The following DGKI variants were observed in gnomAD, a reference collection of about 807,000 sequenced individuals.
DGKI encodes DAG kinase iota.
DGKI carries 55 observed loss-of-function variants against 147.5 expected under a neutral mutation model. The observed-to-expected ratio is 0.37, with a 90% CI of 0.30 to 0.47. The LOEUF (loss-of-function observed/expected upper bound fraction) is 0.47, where lower values mean the gene tolerates loss of function less well. Ranked by LOEUF, DGKI falls within the 20% of genes least tolerant of loss-of-function variation. The probability of loss-of-function intolerance (pLI) is 1.00; values close to 1 mark genes in which losing one functional copy is unlikely to be tolerated. For missense variants in DGKI, 1,007 were observed against 1,323.8 expected (o/e 0.76, Z 3.71); for synonymous variants, 469 against 477.1 (o/e 0.98, Z 0.22).
At chr7:137,771,840 A>G (rs933252933) in intron 1 of DGKI, 14 of 152,170 alleles carry the variant, frequency 9.2e-5, no homozygotes, top group African/African-American at 3.4e-4. Context: ...TTTGTCTCCA[A>G]CTCGAACTGG....
intron 1 of DGKI, among the ~76,000 whole-genome samples, chr7:137,810,246 T>C (rs982123646): frequency 6.6e-6 from 1 of 152,216 alleles, no homozygotes; most frequent in Non-Finnish European, 1.5e-5. Flanking sequence ...ATAATGCTAA[T>C]GCTAATTGTT....
intron 12 of DGKI, among the ~76,000 whole-genome samples, chr7:137,596,873 A>G (rs548442651): frequency 6.6e-6 from 1 of 152,362 alleles, no homozygotes; most frequent in Non-Finnish European, 1.5e-5. Context: ...AGAATAAAAC[A>G]TTCTAATTAG....
chr7:137,512,086 T>C (rs1425089159), intron 21 of DGKI, among the ~76,000 whole-genome samples: 1 of 152,198 alleles, frequency 6.6e-6, no homozygotes, highest in Non-Finnish European at 1.5e-5. Context: ...AGTCTCACAG[T>C]CTGTTTCCCC....
chr7:137,531,393 T>A (rs1211256943), intron 20 of DGKI, among the ~76,000 whole-genome samples: 2 of 152,206 alleles, frequency 1.3e-5, no homozygotes, highest in Non-Finnish European at 2.9e-5. Flanking sequence ...TAACATGAGT[T>A]ACTTTTAATA....
At chr7:137,414,909 C>G (rs968650541) in intron 28 of DGKI, among the ~76,000 whole-genome samples, 21 of 152,160 alleles carry the variant, frequency 1.4e-4, no homozygotes, top group African/African-American at 4.8e-4. Flanking sequence ...CTGCTCACCT[C>G]TCGGTAGTTA....
At chr7:137,803,114 G>A (rs535496360) in intron 1 of DGKI, among the ~76,000 whole-genome samples, 16 of 152,296 alleles carry the variant, frequency 1.1e-4, no homozygotes, top group African/African-American at 3.6e-4. Flanking sequence ...AATGCATCCT[G>A]GAGAAGCAAG....
intron 20 of DGKI, among the ~76,000 whole-genome samples, chr7:137,532,980 T>A (rs1348893438): frequency 6.6e-6 from 1 of 152,150 alleles, no homozygotes; most frequent in Non-Finnish European, 1.5e-5. Context: ...GAAAAAGAGT[T>A]CCCTAGAATA....
At chr7:137,770,211 C>T (rs1332852309) in intron 1 of DGKI, among the ~76,000 whole-genome samples, 1 of 151,962 alleles carries the variant, frequency 6.6e-6, no homozygotes, top group Non-Finnish European at 1.5e-5. Context: ...CAAACTAACA[C>T]AGGAACAGAA....
intron 28 of DGKI, among the ~76,000 whole-genome samples, chr7:137,425,661 G>C (rs1478672666): frequency 6.6e-6 from 1 of 152,126 alleles, no homozygotes; most frequent in African/African-American, 2.4e-5. Context: ...AAAAAATTTA[G>C]AAGAATGTAT....
At chr7:137,401,896 A>T (rs1156507353) in intron 30 of DGKI, among the ~76,000 whole-genome samples, 1 of 152,040 alleles carries the variant, frequency 6.6e-6, no homozygotes, top group Non-Finnish European at 1.5e-5. Context: ...TGTCATTTGA[A>T]CTCTGCTTAC....
intron 1 of DGKI, among the ~76,000 whole-genome samples, chr7:137,793,695 T>TTAC (rs1212610401): frequency 1.3e-5 from 2 of 152,210 alleles, no homozygotes; most frequent in Non-Finnish European, 2.9e-5. Context: ...CTACTAATGT[T>TTAC]TACCATATTT....
At chr7:137,657,038 T>C (rs1822251058) in intron 3 of DGKI, among the ~76,000 whole-genome samples, 1 of 152,222 alleles carries the variant, frequency 6.6e-6, no homozygotes, top group African/African-American at 2.4e-5. Context: ...TTTAGGCTTC[T>C]ATCCCAGGCA....
intron 28 of DGKI, among the ~76,000 whole-genome samples, chr7:137,424,046 T>G (rs12539348): frequency 6.6e-6 from 1 of 151,938 alleles, no homozygotes; most frequent in Admixed American, 6.6e-5. Context: ...TAATAAAACA[T>G]TAATTTTGAA....
chr7:137,721,660 C>T (rs1794561572), intron 1 of DGKI, among the ~76,000 whole-genome samples: 1 of 152,200 alleles, frequency 6.6e-6, no homozygotes, highest in Non-Finnish European at 1.5e-5. Context: ...GTACACCTAA[C>T]ATTTTTGCTT....
At chr7:137,649,761 TTA>T (rs1222440660) in intron 5 of DGKI, among the ~76,000 whole-genome samples, 1 of 147,400 alleles carries the variant, frequency 6.8e-6, no homozygotes, top group Non-Finnish European at 1.5e-5. Flanking sequence ...ATAAAAAATT[TTA>T]TATATATATG....
chr7:137,601,252 A>C (rs1358166343), intron 10 of DGKI, among the ~76,000 whole-genome samples: 1 of 152,006 alleles, frequency 6.6e-6, no homozygotes, highest in African/African-American at 2.4e-5. Context: ...GCCTGGGTGA[A>C]AGAGCGAGAC....
intron 2 of DGKI, among the ~76,000 whole-genome samples, chr7:137,682,388 T>C (rs1823269748): frequency 6.6e-6 from 1 of 152,196 alleles, no homozygotes; most frequent in Non-Finnish European, 1.5e-5. Context: ...CCTTCTCACT[T>C]TCCTAGACCC....
chr7:137,666,887 T>C (rs562421326), intron 3 of DGKI, among the ~76,000 whole-genome samples: 56 of 152,340 alleles, frequency 3.7e-4, no homozygotes, highest in African/African-American at 1.3e-3. Flanking sequence ...ATTCTTATTA[T>C]TGAAGTTCTC....
At chr7:137,443,341 T>C (rs1416185474) in intron 28 of DGKI, among the ~76,000 whole-genome samples, 1 of 152,162 alleles carries the variant, frequency 6.6e-6, no homozygotes, top group African/African-American at 2.4e-5. Flanking sequence ...AAAAGAAATA[T>C]AGAGGTATGG....
Sources: allele counts gnomAD v4.1 joint callset (sites outside exome capture counted in the v4.1 genomes callset), GRCh38; gene constraint gnomAD v4.1.1; transcripts MANE v1.5; gene names NCBI Gene and HGNC (gene_info 2026-07-23, HGNC 2026-07-21).